The following AGTPBP1 variants were observed in gnomAD, a reference collection of about 807,000 sequenced individuals.
The protein encoded by AGTPBP1 is cytosolic carboxypeptidase 1.
AGTPBP1 carries 70 observed loss-of-function variants against 143.9 expected under a neutral mutation model. The observed-to-expected ratio is 0.49, with a 90% confidence interval of 0.40 to 0.59. AGTPBP1 has a LOEUF of 0.59. AGTPBP1 is among the 20% of genes least tolerant of loss of function. AGTPBP1 has a pLI of 0.00. For synonymous variants in AGTPBP1, 463 were observed against 500.2 expected (o/e 0.93, Z 0.99); for missense variants, 1,229 against 1,464.5 (o/e 0.84, Z 2.62).
chr9:85,728,951 T>C (rs1032510850), intron 1 of AGTPBP1, among the ~76,000 whole-genome samples: 1 of 152,216 alleles, frequency 6.6e-6, no homozygotes, highest in Non-Finnish European at 1.5e-5. Flanking sequence ...TCACTTTTAA[T>C]GTTAATTGTA....
chr9:85,726,332 G>C (rs1838491489), intron 1 of AGTPBP1, among the ~76,000 whole-genome samples: 1 of 152,132 alleles, frequency 6.6e-6, no homozygotes, highest in African/African-American at 2.4e-5. Context: ...GCAAAACATG[G>C]ACAAAATTAC....
intron 17 of AGTPBP1, among the ~76,000 whole-genome samples, chr9:85,613,279 C>A (rs751061488): frequency 1.3e-5 from 2 of 150,456 alleles, no homozygotes; most frequent in South Asian, 4.2e-4. Flanking sequence ...GGTAAACATA[C>A]CAGAAGTTAG....
At chr9:85,640,396 C>T (rs1279366395) in intron 13 of AGTPBP1, among the ~76,000 whole-genome samples, 3 of 152,298 alleles carry the variant, frequency 2.0e-5, no homozygotes, top group Admixed American at 2.0e-4. Flanking sequence ...ACATACGCTA[C>T]AGAAATAGAG....
intron 1 of AGTPBP1, among the ~76,000 whole-genome samples, chr9:85,734,104 T>C (rs1839069269): frequency 6.6e-6 from 1 of 151,986 alleles, no homozygotes; most frequent in Non-Finnish European, 1.5e-5. Context: ...ATACAAAAAA[T>C]TAGCTGGGCG....
chr9:85,677,902 TC>T (rs2134130106), intron 5 of AGTPBP1, among the ~76,000 whole-genome samples: 1 of 151,914 alleles, frequency 6.6e-6, no homozygotes, highest in South Asian at 2.1e-4. Context: ...TACTTGGGAG[TC>T]TGAGGCAGGA....
chr9:85,589,542 T>C lies in AGTPBP1; in HGVS notation c.2708A>G (p.His903Arg), dbSNP rs1564037400. The change falls in exon 20 of 26, where the codon CAT becomes CGT. Residue 903 changes from histidine (H) to arginine (R), a missense_variant. By Grantham distance (29) the His-to-Arg change is conservative. Transcript: ENST00000357081. The part of the protein sequence containing the change: ...TAMPESNYYE[H>R]ICHFRNRPYV... ...GACAAACTTACTGAAATGGCAGATA[T>C]GTTCATAATAATTAGACTCTGGCAT... 15 of 1,605,364 alleles carry C rather than the reference T, an allele frequency of 9.3e-6. No homozygotes were observed. The highest frequency in any genetic ancestry group is 4.5e-5 in the East Asian group (2 of 44,774).
the AGTPBP1 span, among the ~76,000 whole-genome samples, chr9:85,782,209 T>G: frequency 6.6e-6 from 1 of 152,132 alleles, no homozygotes; most frequent in Admixed American, 6.5e-5. Flanking sequence ...TGATATATGC[T>G]GAAAATGTAA....
intron 23 of AGTPBP1, among the ~76,000 whole-genome samples, chr9:85,581,517 T>C (rs949786596): frequency 3.3e-5 from 5 of 152,250 alleles, no homozygotes; most frequent in East Asian, 1.9e-4. Flanking sequence ...TGTTGGTCTA[T>C]AGTTATAATT....
the AGTPBP1 span, among the ~76,000 whole-genome samples, chr9:85,782,503 G>A: frequency 2.6e-5 from 4 of 151,842 alleles, no homozygotes; most frequent in African/African-American, 9.7e-5. Flanking sequence ...CCACAAGAGC[G>A]AAACTCTGTC....
At chr9:85,722,319 G>C (rs1370662111) in intron 1 of AGTPBP1, among the ~76,000 whole-genome samples, 5 of 152,266 alleles carry the variant, frequency 3.3e-5, no homozygotes, top group African/African-American at 1.2e-4. Flanking sequence ...ATCAAACGTA[G>C]ATTTGGTCTT....
At chr9:85,603,764 G>A (rs961268559) in intron 17 of AGTPBP1, among the ~76,000 whole-genome samples, 1 of 152,188 alleles carries the variant, frequency 6.6e-6, no homozygotes, top group African/African-American at 2.4e-5. Context: ...TGCCCTGAAG[G>A]GAGAGACCCA....
chr9:85,565,578 T>A (rs1011778849), intron 25 of AGTPBP1, among the ~76,000 whole-genome samples: 25 of 151,790 alleles, frequency 1.6e-4, no homozygotes, highest in African/African-American at 5.8e-4. Flanking sequence ...GACAGGGGGG[T>A]GATCTTAGTA....
chr9:85,572,130 G>A lies in AGTPBP1; in HGVS notation c.3503+3185C>T, dbSNP rs1202288196. 2.7e-5 allele frequency among the ~76,000 whole-genome samples: 4 copies of A among 146,350 alleles called. No homozygotes were observed. In the East Asian group the frequency reaches 8.4e-4, roughly 31 times the overall value. On this transcript the variant is annotated intron_variant, in intron 25 of 25. Coordinates refer to ENST00000357081, the MANE Select transcript of AGTPBP1 (RefSeq NM_001330701.2). ...CAACCTCCGCCTCTTGGGTTCAAGC[G>A]ATTCTCCTGCCTCAGCCTCCCGAGT... is the stretch of plus-strand genomic sequence containing the variant.
chr9:85,805,170 C>T, the AGTPBP1 span, among the ~76,000 whole-genome samples: 1 of 152,182 alleles, frequency 6.6e-6, no homozygotes, highest in Admixed American at 6.5e-5. Context: ...TCTCCCCCAA[C>T]TCGGGCGCTC....
intron 25 of AGTPBP1, among the ~76,000 whole-genome samples, chr9:85,560,229 A>G (rs2132835313): frequency 6.6e-6 from 1 of 152,326 alleles, no homozygotes; most frequent in African/African-American, 2.4e-5. Context: ...GGGAAAAAAA[A>G]TGCTGATTTA....
At chr9:85,758,635 A>G in the AGTPBP1 span, among the ~76,000 whole-genome samples, 1 of 152,124 alleles carries the variant, frequency 6.6e-6, no homozygotes, top group Non-Finnish European at 1.5e-5. Flanking sequence ...CAAGAGCAAA[A>G]CTCCATCTCA....
At chr9:85,560,457 C>T (rs1826635212) in intron 25 of AGTPBP1, among the ~76,000 whole-genome samples, 1 of 152,134 alleles carries the variant, frequency 6.6e-6, no homozygotes, top group South Asian at 2.1e-4. Flanking sequence ...GACCAAAAGG[C>T]AGAAGTAGCA....
intron 25 of AGTPBP1, among the ~76,000 whole-genome samples, chr9:85,572,004 GTTTTTTTT>G (rs55882437): frequency 2.3e-5 from 1 of 43,434 alleles, no homozygotes; most frequent in African/African-American, 6.4e-5. Context: ...GTTTGTGTGT[GTTTTTTTT>G]TTTTTTTTTT....
At chr9:85,590,509 T>C (rs1828892173) in intron 19 of AGTPBP1, among the ~76,000 whole-genome samples, 1 of 152,200 alleles carries the variant, frequency 6.6e-6, no homozygotes, top group Non-Finnish European at 1.5e-5. Flanking sequence ...CAGTTGGTTT[T>C]CAAACTTTTG....
Sources: allele counts gnomAD v4.1 joint callset (sites outside exome capture counted in the v4.1 genomes callset), GRCh38; gene constraint gnomAD v4.1.1; transcripts MANE v1.5; gene names NCBI Gene and HGNC (gene_info 2026-07-23, HGNC 2026-07-21).